The following NCAM2 variants were observed in gnomAD, a reference collection of about 807,000 sequenced individuals.
NCAM2 encodes N-CAM-2.
NCAM2 carries 30 observed loss-of-function variants against 98.1 expected under a neutral mutation model. That is an observed-to-expected ratio of 0.31 (90% CI 0.23 to 0.41). The LOEUF (loss-of-function observed/expected upper bound fraction) is 0.41, where lower values mean the gene tolerates loss of function less well. Among genes scored for constraint, NCAM2 ranks in the 10% least tolerant of loss-of-function variants. NCAM2 has a pLI of 1.00. For synonymous variants in NCAM2, 368 were observed against 342.4 expected (o/e 1.07, Z -0.83); for missense variants, 867 against 1,005.8 (o/e 0.86, Z 1.87).
chr21:21,242,589 A>C lies in NCAM2; in HGVS notation c.56-37989A>C, dbSNP rs8131337. ...TCTAGGTGTCAGTGAGATCCTGCCG[A>C]AGTAGTCTTTCTGTGCCTGGCTTAT... On this transcript the variant is annotated intron_variant, in intron 1 of 17. Transcript: ENST00000400546. Among the ~76,000 whole-genome samples, 440 of 152,286 alleles carry C rather than the reference A, an allele frequency of 2.9e-3. 2 individuals carry two copies. The highest frequency in any genetic ancestry group is 0.01 in the African/African-American group (425 of 41,548).
chr21:21,035,132 A>G (rs1286812121), intron 1 of NCAM2, among the ~76,000 whole-genome samples: 7 of 152,204 alleles, frequency 4.6e-5, no homozygotes, highest in Non-Finnish European at 1.0e-4. Context: ...AGGGAATTGT[A>G]TAAACAAGGG....
intron 1 of NCAM2, among the ~76,000 whole-genome samples, chr21:21,148,305 G>C (rs376974265): frequency 6.6e-6 from 1 of 152,094 alleles, no homozygotes; most frequent in Admixed American, 6.6e-5. Flanking sequence ...ATAAATGAAG[G>C]CTTTCTCTAA....
intron 9 of NCAM2, among the ~76,000 whole-genome samples, chr21:21,380,812 C>T (rs76894641): frequency 0.013 from 1,929 of 152,290 alleles, 42 homozygotes; most frequent in African/African-American, 0.044. Flanking sequence ...TTTGCAGTTT[C>T]CGAAGGTAAA....
At chr21:21,020,046 A>C (rs1242658235) in intron 1 of NCAM2, among the ~76,000 whole-genome samples, 1 of 151,742 alleles carries the variant, frequency 6.6e-6, no homozygotes, top group Non-Finnish European at 1.5e-5. Context: ...TTATTTATTT[A>C]TTCTTTTTGA....
intron 1 of NCAM2, among the ~76,000 whole-genome samples, chr21:21,010,367 A>G (rs570630235): frequency 1.3e-5 from 2 of 152,166 alleles, no homozygotes; most frequent in Non-Finnish European, 2.9e-5. Flanking sequence ...TCCAAAATGG[A>G]TATGAAATGT....
At chr21:21,079,137 A>G (rs1298427168) in intron 1 of NCAM2, among the ~76,000 whole-genome samples, 1 of 152,206 alleles carries the variant, frequency 6.6e-6, no homozygotes, top group Admixed American at 6.6e-5. Flanking sequence ...ACACCATGGC[A>G]CAGGTATATC....
intron 1 of NCAM2, among the ~76,000 whole-genome samples, chr21:21,192,971 T>TA (rs1382627054): frequency 6.6e-6 from 1 of 152,212 alleles, no homozygotes; most frequent in Non-Finnish European, 1.5e-5. Context: ...TTATGAAAGA[T>TA]ACAAGAATAC....
intron 14 of NCAM2, among the ~76,000 whole-genome samples, chr21:21,472,642 AATTATAAATAGT>A (rs1201468554): frequency 6.6e-6 from 1 of 151,782 alleles, no homozygotes; most frequent in Non-Finnish European, 1.5e-5. Context: ...CTCACTATAC[AATTATAAATAGT>A]ATTATAAATA....
At chr21:21,376,760 T>G (rs2076041686) in intron 9 of NCAM2, among the ~76,000 whole-genome samples, 1 of 151,812 alleles carries the variant, frequency 6.6e-6, no homozygotes, top group Admixed American at 6.6e-5. Context: ...AGTTTAAATA[T>G]TGGTTTATGT....
intron 8 of NCAM2, among the ~76,000 whole-genome samples, chr21:21,362,622 G>T (rs1166087513): frequency 6.6e-6 from 1 of 152,002 alleles, no homozygotes; most frequent in Non-Finnish European, 1.5e-5. Flanking sequence ...AAATCCTAGG[G>T]CATTGCAAAC....
intron 4 of NCAM2, among the ~76,000 whole-genome samples, chr21:21,291,415 A>T (rs1273611036): frequency 1.3e-5 from 2 of 151,884 alleles, no homozygotes; most frequent in Admixed American, 6.6e-5. Context: ...TTACTGTAGC[A>T]GATTACTTTA....
chr21:21,054,580 A>C (rs564860837), intron 1 of NCAM2, among the ~76,000 whole-genome samples: 3 of 152,040 alleles, frequency 2.0e-5, no homozygotes, highest in African/African-American at 7.2e-5. Context: ...ACACACAGGC[A>C]TATGAAATCA....
intron 9 of NCAM2, among the ~76,000 whole-genome samples, chr21:21,405,193 G>T (rs906962211): frequency 2.4e-4 from 36 of 151,854 alleles, no homozygotes; most frequent in African/African-American, 8.5e-4. Flanking sequence ...TTACTAACAA[G>T]ACTCTTTTAG....
At chr21:21,019,245 G>A (rs2146177441) in intron 1 of NCAM2, among the ~76,000 whole-genome samples, 1 of 152,124 alleles carries the variant, frequency 6.6e-6, no homozygotes, top group East Asian at 1.9e-4. Flanking sequence ...AAATATCTAA[G>A]TATTTTTCCC....
chr21:21,038,411 C>T (rs192344349), intron 1 of NCAM2, among the ~76,000 whole-genome samples: 2 of 152,306 alleles, frequency 1.3e-5, no homozygotes, highest in East Asian at 3.9e-4. Context: ...CCACATAAAT[C>T]TCTTCTTGAA....
intron 1 of NCAM2, among the ~76,000 whole-genome samples, chr21:21,199,458 A>G (rs2069128834): frequency 6.6e-6 from 1 of 152,202 alleles, no homozygotes; most frequent in Non-Finnish European, 1.5e-5. Context: ...GAGAAAAAGC[A>G]GCTGAAGCTT....
At chr21:21,254,593 G>A (rs2071594068) in intron 1 of NCAM2, among the ~76,000 whole-genome samples, 1 of 152,106 alleles carries the variant, frequency 6.6e-6, no homozygotes, top group Non-Finnish European at 1.5e-5. Flanking sequence ...ACCATAACAA[G>A]TCGTCTGGAC....
chr21:21,468,549 A>C, intron 13 of NCAM2, 113 bp from the exon 14 acceptor site: 1 of 1,016,106 alleles, frequency 9.8e-7, no homozygotes, highest in Non-Finnish European at 1.3e-6. Context: ...CAAATGGTAA[A>C]TCCAGGATAA....
chr21:21,410,479 C>T lies in NCAM2; in HGVS notation c.1383+18C>T. The T allele has an allele frequency of 7.3e-7, 1 of 1,367,532 alleles. No individual in the cohort carries two copies. Among genetic ancestry groups the T allele is most frequent in the Admixed American group, 2.5e-5 (1 of 39,572 alleles). 84.7% of individuals were successfully genotyped at this position (1,367,532 alleles called of 1,614,324 possible). On this transcript the variant is annotated intron_variant, in intron 10 of 17. Transcript: ENST00000400546. ...TATTAGAGGTAAGTCCACATGTATACATCAATAAATTGTATTATTTTAACA... is the reference window on the plus strand; with the variant it reads ...TATTAGAGGTAAGTCCACATGTATATATCAATAAATTGTATTATTTTAACA...
Sources: allele counts gnomAD v4.1 joint callset (sites outside exome capture counted in the v4.1 genomes callset), GRCh38; gene constraint gnomAD v4.1.1; transcripts MANE v1.5; gene names NCBI Gene and HGNC (gene_info 2026-07-23, HGNC 2026-07-21).